ANXA8: variants seen among roughly 807,000 people sequenced by gnomAD.
ANXA8 encodes the protein annexin A8.
ANXA8 carries 9 observed loss-of-function variants against 26.8 expected under a neutral mutation model. That is an observed-to-expected ratio of 0.34 (90% CI 0.20 to 0.59). The LOEUF (loss-of-function observed/expected upper bound fraction) is 0.59. ANXA8 is among the 20% of genes least tolerant of loss of function. The probability of loss-of-function intolerance (pLI) is 0.84; values close to 1 mark genes in which losing one functional copy is unlikely to be tolerated. For synonymous variants in ANXA8, 39 were observed against 94.8 expected, an observed-to-expected ratio of 0.41 and a Z score of 3.42; for missense variants, 83 against 238.5, an observed-to-expected ratio of 0.35 and a Z score of 4.29.
At chr10:47,668,130 T>C in the ANXA8 span, among the ~76,000 whole-genome samples, 8 of 150,364 alleles carry the variant, frequency 5.3e-5, no homozygotes, top group East Asian at 1.6e-3. Flanking sequence ...CTCTGTTTTC[T>C]CCTGTGGATT....
chr10:47,671,496 A>G, the ANXA8 span, among the ~76,000 whole-genome samples: 4 of 152,028 alleles, frequency 2.6e-5, no homozygotes, highest in Non-Finnish European at 4.4e-5. Flanking sequence ...TTGGAATCCT[A>G]TCTAATATTT....
the ANXA8 span, among the ~76,000 whole-genome samples, chr10:47,901,687 T>C: frequency 1.6e-5 from 2 of 122,450 alleles, no homozygotes; most frequent in African/African-American, 6.4e-5. Context: ...TTTCTATACG[T>C]CCTGTTTCTT....
At chr10:47,645,005 C>T in the ANXA8 span, among the ~76,000 whole-genome samples, 3 of 151,844 alleles carry the variant, frequency 2.0e-5, no homozygotes, top group African/African-American at 7.3e-5. Flanking sequence ...ATACCTCTGA[C>T]TTTAGTGGGC....
the ANXA8 span, among the ~76,000 whole-genome samples, chr10:47,733,233 C>CTTTCTTTCTCTCTTTCTTTCTT: frequency 5.0e-5 from 3 of 59,688 alleles, 1 homozygote; most frequent in Non-Finnish European, 6.9e-5. Flanking sequence ...CTTTCTTTCT[C>CTTTCTTTCTCTCTTTCTTTCTT]TCTTTCTTTC....
At chr10:47,741,867 T>G in the ANXA8 span, among the ~76,000 whole-genome samples, 2 of 133,310 alleles carry the variant, frequency 1.5e-5, no homozygotes, top group African/African-American at 5.4e-5. Context: ...TGAGACAGAG[T>G]TTTGCTCTTG....
chr10:47,491,947 C>T, the ANXA8 span, among the ~76,000 whole-genome samples: 1 of 148,608 alleles, frequency 6.7e-6, no homozygotes, highest in Non-Finnish European at 1.5e-5. Context: ...CAGGGCTGGA[C>T]AGTAGAGATC....
upstream of ANXA8, among the ~76,000 whole-genome samples, chr10:47,486,143 G>A (rs1252079414): frequency 6.6e-6 from 1 of 151,528 alleles, no homozygotes; most frequent in Non-Finnish European, 1.5e-5. Flanking sequence ...CTTCTAGGAT[G>A]ATGAGCAGTG....
At chr10:47,779,133 C>T in the ANXA8 span, among the ~76,000 whole-genome samples, 1 of 138,504 alleles carries the variant, frequency 7.2e-6, no homozygotes, top group Admixed American at 7.4e-5. Flanking sequence ...AGGTTATAGC[C>T]CATAGGCAAA....
chr10:47,686,190 G>C, the ANXA8 span, among the ~76,000 whole-genome samples: 1 of 149,740 alleles, frequency 6.7e-6, no homozygotes, highest in Non-Finnish European at 1.5e-5. Context: ...TAGAGATGCT[G>C]TCCCTTCCTT....
At chr10:47,957,388 A>C in the ANXA8 span, among the ~76,000 whole-genome samples, 1 of 150,358 alleles carries the variant, frequency 6.7e-6, no homozygotes, top group African/African-American at 2.5e-5. Flanking sequence ...CATTCCTGTC[A>C]ATCTCCTGTA....
chr10:47,481,943 ACAGG>A (rs1458064776), intron 1 of ANXA8, among the ~76,000 whole-genome samples: 18 of 143,468 alleles, frequency 1.3e-4, no homozygotes, highest in Non-Finnish European at 2.4e-4. Context: ...TTGTTCTGTG[ACAGG>A]CACAGGGGAG....
chr10:47,597,398 C>T, the ANXA8 span, among the ~76,000 whole-genome samples: 1 of 147,736 alleles, frequency 6.8e-6, no homozygotes, highest in Non-Finnish European at 1.5e-5. Context: ...TACTGGAAGC[C>T]CTAGCCAGAA....
upstream of ANXA8, chr10:47,487,422 G>A: frequency 1.3e-5 from 14 of 1,054,606 alleles, no homozygotes; most frequent in Non-Finnish European, 1.8e-5. Context: ...TTGGAAAGAG[G>A]AAGAATGTCC....
At chr10:47,567,968 G>T in the ANXA8 span, 18 of 690,410 alleles carry the variant, frequency 2.6e-5, 1 homozygote, top group African/African-American at 3.0e-4. Context: ...CCGTTTGGGG[G>T]TGCTAAAGCT....
intron 9 of ANXA8, among the ~76,000 whole-genome samples, chr10:47,472,555 C>T (rs1212964258): frequency 2.6e-5 from 4 of 151,420 alleles, no homozygotes; most frequent in Admixed American, 2.0e-4. Context: ...AGCCTCTCAG[C>T]TCCACAGAAG....
the ANXA8 span, among the ~76,000 whole-genome samples, chr10:47,600,264 A>G: frequency 2.7e-5 from 4 of 150,252 alleles, no homozygotes; most frequent in Non-Finnish European, 5.9e-5. Flanking sequence ...ACACCATCCT[A>G]TTGCGGTTCA....
the ANXA8 span, among the ~76,000 whole-genome samples, chr10:47,551,496 A>C: frequency 4.6e-5 from 7 of 151,876 alleles, no homozygotes; most frequent in Admixed American, 1.3e-4. Flanking sequence ...AACAGTTTAA[A>C]GTTTAGGAAG....
upstream of ANXA8, among the ~76,000 whole-genome samples, chr10:47,485,655 ATTAC>A (rs1249979940): frequency 6.6e-6 from 1 of 151,946 alleles, no homozygotes; most frequent in African/African-American, 2.4e-5. Flanking sequence ...ATTTTTACAA[ATTAC>A]TTCTCTTTTT....
chr10:47,656,868 A>C, the ANXA8 span, among the ~76,000 whole-genome samples: 1 of 146,948 alleles, frequency 6.8e-6, no homozygotes, highest in Admixed American at 6.8e-5. Flanking sequence ...TGGTTATGGA[A>C]CCTTATTATC....
Sources: gnomAD v4.1 joint callset for allele counts (sites outside exome capture counted in the v4.1 genomes callset) on GRCh38, gnomAD v4.1.1 for gene constraint, MANE v1.5 for transcripts, NCBI Gene and HGNC (gene_info 2026-07-23, HGNC 2026-07-21) for gene names.